PIK3CD: variants seen among roughly 807,000 people sequenced by gnomAD.
PIK3CD encodes the protein phosphatidylinositol-4,5-bisphosphate 3-kinase catalytic subunit delta, also known as phosphatidylinositol 4,5-bisphosphate 3-kinase catalytic subunit delta isoform.
Under a neutral mutation model 122.9 loss-of-function variants are expected in PIK3CD, and 20 were observed. The ratio of observed to expected loss-of-function variants is 0.16; its 90% confidence interval spans 0.11 to 0.24. The LOEUF is 0.24. Among genes scored for constraint, PIK3CD ranks in the 10% least tolerant of loss-of-function variants. PIK3CD has a pLI of 1.00. For missense variants in PIK3CD, 787 were observed against 1,406.3 expected, an observed-to-expected ratio of 0.56 and a Z score of 7.04; for synonymous variants, 596 against 593.4, an observed-to-expected ratio of 1.00 and a Z score of -0.06.
chr1:9,721,608 C>T lies in PIK3CD; in HGVS notation c.1955+21C>T, dbSNP rs757724826. 11 of 1,612,056 alleles carry T rather than the reference C, an allele frequency of 6.8e-6. No homozygotes were observed. The East Asian group carries it at 1.1e-4, about 16-fold the overall frequency. On this transcript the variant is annotated intron_variant, in intron 15 of 23. Transcript: ENST00000377346. The stretch of plus-strand genomic sequence containing the variant: ...CTCCGGTAGCGGGACTTGCCCCAGC[C>T]GTTCTGTGGGAATCCCAGCCCCTGA...
the PIK3CD span, among the ~76,000 whole-genome samples, chr1:9,635,457 C>T: frequency 7.9e-5 from 12 of 152,102 alleles, no homozygotes; most frequent in African/African-American, 2.7e-4. Flanking sequence ...CCCTGCAGCT[C>T]GCTGGCTCCA....
chr1:9,631,294 T>A, the PIK3CD span, among the ~76,000 whole-genome samples: 1 of 152,216 alleles, frequency 6.6e-6, no homozygotes, highest in Non-Finnish European at 1.5e-5. Context: ...TCCGTTCAGC[T>A]GGCTAGTGGT....
At chr1:9,707,142 G>A (rs959591486) in intron 2 of PIK3CD, among the ~76,000 whole-genome samples, 1 of 151,764 alleles carries the variant, frequency 6.6e-6, no homozygotes, top group Admixed American at 6.6e-5. Context: ...GTGGCTTCTG[G>A]TAACCTGGAC....
chr1:9,642,716 C>CA, the PIK3CD span, among the ~76,000 whole-genome samples: 3,338 of 69,910 alleles, frequency 0.048, 95 homozygotes, highest in African/African-American at 0.12. Flanking sequence ...GACTCTGTCT[C>CA]AAAAAAAAAA....
chr1:9,673,550 C>T (rs1313367449), intron 1 of PIK3CD, among the ~76,000 whole-genome samples: 1 of 152,110 alleles, frequency 6.6e-6, no homozygotes, highest in Non-Finnish European at 1.5e-5. Flanking sequence ...CATGAGCCAC[C>T]ATGCCTGGCC....
At chr1:9,640,639 T>C in the PIK3CD span, among the ~76,000 whole-genome samples, 2 of 152,012 alleles carry the variant, frequency 1.3e-5, no homozygotes, top group Admixed American at 1.3e-4. Context: ...TGCATTCTCC[T>C]TGCTCCTGGG....
At chr1:9,674,648 C>A (rs1257031399) in intron 1 of PIK3CD, among the ~76,000 whole-genome samples, 2 of 149,428 alleles carry the variant, frequency 1.3e-5, no homozygotes, top group African/African-American at 5.0e-5. Context: ...TAAGATCATG[C>A]CACTGCACCA....
At chr1:9,634,295 G>A in the PIK3CD span, among the ~76,000 whole-genome samples, 1 of 152,014 alleles carries the variant, frequency 6.6e-6, no homozygotes. Flanking sequence ...CTGAGTAGCT[G>A]GGATTACAGG....
Position 9,710,847 on chromosome 1 carries a change from G to A in PIK3CD, c.141+251G>A, listed in dbSNP as rs12079884. The stretch of plus-strand genomic sequence containing the variant: ...ATTGCCCAGGCTGGTGTGCAATGGC[G>A]CAATCTCGGCTCACTGCAACCTCCA... On this transcript the variant is annotated intron_variant, in intron 3 of 23. Transcript: ENST00000377346. The surrounding 1 kb of genome is among the most constrained non-coding windows in gnomAD (Gnocchi z 4.7). Among the ~76,000 whole-genome samples, 4,979 of 152,260 alleles carry A rather than the reference G, an allele frequency of 0.033. 263 individuals are homozygous for A. The highest frequency in any genetic ancestry group is 0.11 in the African/African-American group (4,639 of 41,526).
intron 1 of PIK3CD, among the ~76,000 whole-genome samples, chr1:9,655,736 C>T (rs1218670241): frequency 3.2e-5 from 4 of 126,162 alleles, no homozygotes; most frequent in South Asian, 2.6e-4. Flanking sequence ...CTCGCTTTGT[C>T]GCCCAGGCTG....
chr1:9,687,792 A>T (rs1447973721), intron 1 of PIK3CD, among the ~76,000 whole-genome samples: 1 of 152,160 alleles, frequency 6.6e-6, no homozygotes, highest in Non-Finnish European at 1.5e-5. Context: ...GCGCATCTGC[A>T]TGCGTGTCTT....
Position 9,721,069 on chromosome 1 carries a change from C to T in PIK3CD, c.1690-58C>T, listed in dbSNP as rs1570384747. 7 of 1,513,746 alleles carry T rather than the reference C, an allele frequency of 4.6e-6. 3 individuals are homozygous for T. In the Admixed American group the frequency reaches 1.2e-4, roughly 26 times the overall value. 93.8% of individuals were successfully genotyped at this position (1,513,746 alleles called of 1,614,324 possible). On this transcript the variant is annotated intron_variant, in intron 13 of 23. Transcript: ENST00000377346. The stretch of plus-strand genomic sequence containing the variant: ...GACCCTGGCTGGCCATCACCCTTAC[C>T]CTGACCACCTCCACCCTGACCCCGG...
At chr1:9,684,551 AAG>A (rs1430594634) in intron 1 of PIK3CD, among the ~76,000 whole-genome samples, 1 of 149,480 alleles carries the variant, frequency 6.7e-6, no homozygotes, top group African/African-American at 2.5e-5. Flanking sequence ...AAAAAAAAAA[AAG>A]AAAAAAGAAA....
intron 1 of PIK3CD, among the ~76,000 whole-genome samples, chr1:9,661,725 G>T (rs934368806): frequency 1.3e-5 from 2 of 152,142 alleles, no homozygotes; most frequent in Non-Finnish European, 2.9e-5. Context: ...GGCCGGGCGC[G>T]GTGGCTCACG....
chr1:9,651,467 C>G (rs1169796298), upstream of PIK3CD, among the ~76,000 whole-genome samples: 1 of 152,156 alleles, frequency 6.6e-6, no homozygotes, highest in Non-Finnish European at 1.5e-5. Context: ...CGCCTAGGAC[C>G]TTTATTTCGT....
chr1:9,691,429 A>G (rs78428637), intron 1 of PIK3CD, 38 bp from the exon 2 acceptor site: 1 of 398,220 alleles, frequency 2.5e-6, no homozygotes, highest in South Asian at 1.3e-4. Context: ...TCTTGTTAAA[A>G]TAGTTTTCTT....
At chr1:9,654,450 G>C (rs777217973) in intron 1 of PIK3CD, 2 of 1,335,808 alleles carry the variant, frequency 1.5e-6, no homozygotes, top group Admixed American at 1.9e-5. Flanking sequence ...CCCCTGGGGG[G>C]CTTACAGGAC....
chr1:9,675,385 CAAAAAAA>C (rs34447888), intron 1 of PIK3CD, among the ~76,000 whole-genome samples: 7 of 59,492 alleles, frequency 1.2e-4, no homozygotes, highest in African/African-American at 2.1e-4. Flanking sequence ...GACTCCGTCT[CAAAAAAA>C]AAAAAAAAAA....
rs1647335288 is a variant in PIK3CD, at chr1:9,715,890, G to A, written c.412G>A (p.Asp138Asn). 1.9e-6 allele frequency: 3 copies of A among 1,605,090 alleles called. No individual in the cohort carries two copies. The highest frequency in any genetic ancestry group is 2.6e-6 in the Non-Finnish European group (3 of 1,176,100). The change falls in exon 5 of 24, where the codon GAC becomes AAC. Residue 138 changes from aspartate (D) to asparagine (N), a missense_variant. By Grantham distance (23) the Asp-to-Asn change is conservative. Around this residue, in one of 6 missense-constraint regions of PIK3CD, gnomAD observed 592 missense variants for 920.6 expected, o/e 0.64. Coordinates refer to ENST00000377346, the MANE Select transcript of PIK3CD (RefSeq NM_005026.5). This position sits in a 1 kb window ranked among gnomAD's most constrained non-coding sequence, Gnocchi z 4.1. ...FDSLCDPEVN[D>N]FRAKMCQFCE... ...CTCCTTGTGCGACCCAGAAGTGAAC[G>A]ACTTTCGCGCCAAGATGTGCCAATT...
Sources: gnomAD v4.1 joint callset for allele counts (sites outside exome capture counted in the v4.1 genomes callset) on GRCh38, gnomAD v4.1.1 for gene constraint, gnomAD v4.1.1 regional missense constraint, Gnocchi (gnomAD v3.1) non-coding constraint, MANE v1.5 for transcripts, NCBI Gene and HGNC (gene_info 2026-07-23, HGNC 2026-07-21) for gene names.